The following WDPCP variants were observed in gnomAD, a reference collection of about 807,000 sequenced individuals.
WDPCP encodes WD repeat-containing and planar cell polarity effector protein fritz homolog.
In WDPCP, 71 loss-of-function variants were observed where a neutral mutation model predicts 93.1. The ratio of observed to expected loss-of-function variants is 0.76; its 90% CI spans 0.63 to 0.93. The LOEUF (loss-of-function observed/expected upper bound fraction) is 0.93. Among genes scored for constraint, WDPCP ranks in the 40% least tolerant of loss-of-function variants. The pLI is 0.00. For synonymous variants in WDPCP, 315 were observed against 315.0 expected (o/e 1.00, Z 0.00); for missense variants, 844 against 887.4 (o/e 0.95, Z 0.62).
At chr2:63,313,885 TA>T (rs1179494811) in intron 12 of WDPCP, among the ~76,000 whole-genome samples, 2,942 of 84,666 alleles carry the variant, frequency 0.035, 68 homozygotes, top group Non-Finnish European at 0.063. Flanking sequence ...TATATATATA[TA>T]TTTTTTTTTT....
intron 3 of WDPCP, among the ~76,000 whole-genome samples, chr2:63,638,310 T>TTCTC (rs148104908): frequency 6.7e-6 from 1 of 148,608 alleles, no homozygotes; most frequent in Non-Finnish European, 1.5e-5. Flanking sequence ...CTCTCTCTCA[T>TTCTC]TCTCTCTCTC....
At chr2:63,388,113 GA>G (rs928299835) in intron 10 of WDPCP, among the ~76,000 whole-genome samples, 1 of 150,876 alleles carries the variant, frequency 6.6e-6, no homozygotes, top group African/African-American at 2.4e-5. Context: ...CACAGAATTA[GA>G]AAAAAAAATA....
chr2:63,315,333 C>A (rs1686551452), intron 12 of WDPCP, among the ~76,000 whole-genome samples: 1 of 152,108 alleles, frequency 6.6e-6, no homozygotes, highest in Non-Finnish European at 1.5e-5. Flanking sequence ...GAGCTAAACC[C>A]AAGAATTCTG....
rs1481284633 is a variant in WDPCP, at chr2:63,382,112, A to C, written c.1436-18T>G. On this transcript the variant is annotated intron_variant, in intron 10 of 17. Coordinates refer to ENST00000272321, the MANE Select transcript of WDPCP (RefSeq NM_015910.7). ...GAAGACGCCTATCACAAAACATGGA[A>C]AACCAGGTGAATCTTTTAAAATAAA... The C allele has an allele frequency of 1.9e-6, 3 of 1,607,866 alleles. No homozygotes were observed. The Admixed American group carries it at 5.1e-5, about 27-fold the overall frequency.
intron 6 of WDPCP, among the ~76,000 whole-genome samples, chr2:63,444,790 A>C (rs1403158094): frequency 6.6e-6 from 1 of 152,196 alleles, no homozygotes; most frequent in Non-Finnish European, 1.5e-5. Flanking sequence ...ACTGAGGCAA[A>C]TAGAAACCGA....
intron 1 of WDPCP, among the ~76,000 whole-genome samples, chr2:63,575,300 TATATATAGTATGTAC>T (rs1185316830): frequency 2.0e-5 from 3 of 146,492 alleles, no homozygotes; most frequent in African/African-American, 7.4e-5. Context: ...ATAGTATGTA[TATATATAGTATGTAC>T]ATATATACAC....
intron 17 of WDPCP, among the ~76,000 whole-genome samples, chr2:63,123,269 A>G (rs1344816411): frequency 6.6e-6 from 1 of 152,152 alleles, no homozygotes; most frequent in Non-Finnish European, 1.5e-5. Context: ...GTCATTGAGA[A>G]AATGAGTTAG....
chr2:63,644,298 G>A (rs1207132862), intron 3 of WDPCP, among the ~76,000 whole-genome samples: 1 of 129,016 alleles, frequency 7.8e-6, no homozygotes, highest in Non-Finnish European at 1.5e-5. Context: ...AGGCTGGAAT[G>A]CAGTGGCGCA....
At chr2:63,747,449 A>C (rs1669815828) in intron 2 of WDPCP, among the ~76,000 whole-genome samples, 1 of 151,896 alleles carries the variant, frequency 6.6e-6, no homozygotes, top group Admixed American at 6.6e-5. Flanking sequence ...TTCTCCCAAA[A>C]TTTTATTTTG....
At chr2:63,540,475 C>T (rs1704621064) in intron 1 of WDPCP, among the ~76,000 whole-genome samples, 1 of 152,086 alleles carries the variant, frequency 6.6e-6, no homozygotes, top group African/African-American at 2.4e-5. Flanking sequence ...ACATAGAAGA[C>T]CCCCCTTATG....
chr2:63,227,299 A>G (rs1381900128), intron 14 of WDPCP, among the ~76,000 whole-genome samples: 4 of 151,972 alleles, frequency 2.6e-5, no homozygotes, highest in Non-Finnish European at 5.9e-5. Context: ...GTCTAAGGTA[A>G]AAACCTCCAG....
chr2:63,391,218 G>A (rs932937631), intron 10 of WDPCP, among the ~76,000 whole-genome samples: 3 of 152,282 alleles, frequency 2.0e-5, no homozygotes, highest in Admixed American at 6.5e-5. Flanking sequence ...TCATCCCTGG[G>A]ATGCAAGGCT....
Position 63,376,644 on chromosome 2 carries a change from A to G in WDPCP, c.1748+1742T>C, listed in dbSNP as rs1283478820. On this transcript the variant is annotated intron_variant, in intron 12 of 17. Coordinates refer to ENST00000272321, the MANE Select transcript of WDPCP (RefSeq NM_015910.7). ...ATTTTCCCCAGAAACAGAGAAACAA[A>G]TATTAGCAATAAGAGCAAAGAACAA... 3.3e-5 allele frequency among the ~76,000 whole-genome samples: 5 copies of G among 151,920 alleles called. No individual in the cohort carries two copies. In the East Asian group the frequency reaches 9.6e-4, roughly 29 times the overall value.
chr2:63,268,721 TC>T (rs1212915925), intron 13 of WDPCP, among the ~76,000 whole-genome samples: 4 of 71,150 alleles, frequency 5.6e-5, no homozygotes, highest in African/African-American at 3.7e-4. Context: ...GCTCAAGTGA[TC>T]CTCTCACTGT....
rs534643027 is a variant in WDPCP, at chr2:63,332,985, C to G, written c.1749-19674G>C. On this transcript the variant is annotated intron_variant, in intron 12 of 17. Transcript: ENST00000272321. The stretch of plus-strand genomic sequence containing the variant: ...TCTTCTATCCACTTTTCCTGAAGGT[C>G]TACAGTTTCACCTCTTATATTTAGG... Among the ~76,000 whole-genome samples the G allele has an allele frequency of 1.2e-4, 19 of 152,284 alleles. 1 individual carries two copies. Among genetic ancestry groups the G allele is most frequent in the Admixed American group, 1.3e-4 (2 of 15,292 alleles).
chr2:63,204,310 G>C (rs1304770124), intron 14 of WDPCP, among the ~76,000 whole-genome samples: 1 of 146,830 alleles, frequency 6.8e-6, no homozygotes, highest in Non-Finnish European at 1.5e-5. Context: ...CAGTGATGTT[G>C]AGCACATTTT....
intron 13 of WDPCP, among the ~76,000 whole-genome samples, chr2:63,305,944 A>G (rs554323263): frequency 2.6e-5 from 4 of 152,324 alleles, no homozygotes; most frequent in South Asian, 2.1e-4. Flanking sequence ...CCCTTCAAAA[A>G]TCAATGAATC....
chr2:63,734,414 T>C (rs1295695660), intron 2 of WDPCP, among the ~76,000 whole-genome samples: 4 of 152,204 alleles, frequency 2.6e-5, no homozygotes, highest in Non-Finnish European at 5.9e-5. Flanking sequence ...TATAATGAGA[T>C]CTTGTGACCA....
chr2:63,274,018 G>C (rs751023828), intron 13 of WDPCP, among the ~76,000 whole-genome samples: 10 of 152,114 alleles, frequency 6.6e-5, no homozygotes, highest in Admixed American at 3.9e-4. Context: ...GACATTTACA[G>C]AACATTTTAT....
Sources: gnomAD v4.1 joint callset for allele counts (sites outside exome capture counted in the v4.1 genomes callset) on GRCh38, gnomAD v4.1.1 for gene constraint, MANE v1.5 for transcripts, NCBI Gene and HGNC (gene_info 2026-07-23, HGNC 2026-07-21) for gene names.